The following CCDC178 variants were observed in gnomAD, a reference collection of about 807,000 sequenced individuals.
CCDC178 encodes the protein coiled-coil domain-containing protein 178.
CCDC178 carries 126 observed loss-of-function variants against 117.4 expected under a neutral mutation model. The observed-to-expected ratio is 1.07, with a 90% CI of 0.93 to 1.24. CCDC178 has a LOEUF of 1.24. CCDC178 is among the 50% of genes most tolerant of loss of function. CCDC178 has a pLI of 0.00. For missense variants in CCDC178, 1,030 were observed against 986.9 expected (o/e 1.04, Z -0.59); for synonymous variants, 283 against 313.4 (o/e 0.90, Z 1.02).
chr18:33,415,438 A>C (rs1378024475), intron 2 of CCDC178, among the ~76,000 whole-genome samples: 1 of 152,108 alleles, frequency 6.6e-6, no homozygotes, highest in Non-Finnish European at 1.5e-5. Flanking sequence ...AGTCTCAGCA[A>C]ACTATCGCAA....
intron 20 of CCDC178, among the ~76,000 whole-genome samples, chr18:33,201,662 G>A (rs190581972): frequency 6.6e-6 from 1 of 151,796 alleles, no homozygotes; most frequent in East Asian, 1.9e-4. Flanking sequence ...AAAGCCGTGG[G>A]TTGTATTAAG....
At chr18:33,118,112 G>C (rs902935419) in intron 20 of CCDC178, among the ~76,000 whole-genome samples, 13 of 152,032 alleles carry the variant, frequency 8.6e-5, no homozygotes, top group Admixed American at 3.3e-4. Context: ...GAAATGTATT[G>C]ATAGGCCAAT....
At chr18:33,216,394 T>C (rs908826898) in intron 18 of CCDC178, among the ~76,000 whole-genome samples, 4 of 152,106 alleles carry the variant, frequency 2.6e-5, no homozygotes, top group Non-Finnish European at 5.9e-5. Context: ...AATTCCAGAA[T>C]GAACATTTGA....
intron 21 of CCDC178, among the ~76,000 whole-genome samples, chr18:32,999,586 G>A (rs1297300179): frequency 1.3e-5 from 2 of 152,134 alleles, no homozygotes; most frequent in African/African-American, 4.8e-5. Context: ...CAGTGGTGGT[G>A]GCCACAGGAG....
intron 20 of CCDC178, among the ~76,000 whole-genome samples, chr18:33,195,070 T>C (rs1008786706): frequency 6.8e-6 from 1 of 146,468 alleles, no homozygotes; most frequent in East Asian, 2.0e-4. Context: ...TGAGCTATGA[T>C]AGCACCACTG....
chr18:33,164,249 G>A (rs1012795610), intron 20 of CCDC178, among the ~76,000 whole-genome samples: 3 of 151,476 alleles, frequency 2.0e-5, no homozygotes, highest in South Asian at 2.1e-4. Context: ...ACAGGTGCAC[G>A]CCACCATGCC....
At chr18:33,002,036 G>C (rs977432046) in intron 21 of CCDC178, among the ~76,000 whole-genome samples, 1 of 152,108 alleles carries the variant, frequency 6.6e-6, no homozygotes, top group African/African-American at 2.4e-5. Flanking sequence ...AAAGCAAATA[G>C]TATGAGAGCT....
intron 2 of CCDC178, among the ~76,000 whole-genome samples, chr18:33,436,900 C>T (rs1194819669): frequency 1.3e-5 from 2 of 152,218 alleles, no homozygotes; most frequent in Non-Finnish European, 2.9e-5. Flanking sequence ...AGGCTAAGAG[C>T]ATCTGCGTGA....
rs751578028 is a variant in CCDC178, at chr18:33,075,931, T to C, written c.2388+16830A>G. 1.2e-4 allele frequency among the ~76,000 whole-genome samples: 18 copies of C among 152,136 alleles called. No individual in the cohort carries two copies. The South Asian group carries it at 2.1e-3, about 18-fold the overall frequency. ...TTGTAGTGAGCTGAGATTGCACCAC[T>C]ACACTCCACCGTGGGGTACAAAAGC... On this transcript the variant is annotated intron_variant, in intron 21 of 22. Transcript: ENST00000383096.
At chr18:33,192,661 G>C (rs1160956210) in intron 20 of CCDC178, among the ~76,000 whole-genome samples, 1 of 152,078 alleles carries the variant, frequency 6.6e-6, no homozygotes, top group East Asian at 1.9e-4. Flanking sequence ...AGCACTTTGC[G>C]AGGCCGAGGT....
At chr18:33,117,823 C>T (rs533020737) in intron 20 of CCDC178, among the ~76,000 whole-genome samples, 14 of 152,054 alleles carry the variant, frequency 9.2e-5, no homozygotes, top group African/African-American at 3.1e-4. Context: ...GTGACCCAAA[C>T]CCTCATTCTT....
chr18:33,044,006 G>A (rs2056598220), intron 21 of CCDC178, among the ~76,000 whole-genome samples: 1 of 150,748 alleles, frequency 6.6e-6, no homozygotes, highest in Non-Finnish European at 1.5e-5. Flanking sequence ...TTTCTAGATT[G>A]ATGTGTTGTT....
intron 21 of CCDC178, among the ~76,000 whole-genome samples, chr18:33,035,942 T>G (rs547523585): frequency 4.6e-5 from 7 of 152,114 alleles, no homozygotes; most frequent in Non-Finnish European, 1.0e-4. Flanking sequence ...GTTCAAAGAT[T>G]CACTGAAGTA....
chr18:32,989,970 A>G (rs1329255710), intron 21 of CCDC178, among the ~76,000 whole-genome samples: 2 of 151,316 alleles, frequency 1.3e-5, no homozygotes, highest in Non-Finnish European at 2.9e-5. Context: ...TTAGAAATCA[A>G]TTATAATTTT....
intron 14 of CCDC178, among the ~76,000 whole-genome samples, chr18:33,255,423 T>C (rs772368235): frequency 5.3e-5 from 8 of 152,048 alleles, no homozygotes; most frequent in Non-Finnish European, 8.8e-5. Flanking sequence ...ATGAAATGTT[T>C]TTAAGCTGCT....
intron 21 of CCDC178, among the ~76,000 whole-genome samples, chr18:33,077,193 C>T (rs564329483): frequency 3.4e-4 from 52 of 152,208 alleles, no homozygotes; most frequent in Middle Eastern, 6.8e-3. Flanking sequence ...ATGAGTTGGG[C>T]ATAGTAAAGA....
At chr18:33,288,225 T>G (rs2060123135) in intron 12 of CCDC178, among the ~76,000 whole-genome samples, 1 of 140,254 alleles carries the variant, frequency 7.1e-6, no homozygotes, top group Non-Finnish European at 1.5e-5. Context: ...CCTCCTCTCC[T>G]CCTCCTCCCC....
At chr18:32,971,400 C>T (rs1018226123) in intron 22 of CCDC178, among the ~76,000 whole-genome samples, 2 of 152,142 alleles carry the variant, frequency 1.3e-5, no homozygotes, top group African/African-American at 4.8e-5. Flanking sequence ...ATATGTGCCA[C>T]ATTTTCTTTA....
At chr18:33,343,944 T>C (rs1234006151) in intron 9 of CCDC178, among the ~76,000 whole-genome samples, 13 of 152,100 alleles carry the variant, frequency 8.5e-5, no homozygotes, top group Admixed American at 8.5e-4. Flanking sequence ...ATAAATAATA[T>C]AAAGGCAGAA....
Sources: gnomAD v4.1 joint callset for allele counts (sites outside exome capture counted in the v4.1 genomes callset) on GRCh38, gnomAD v4.1.1 for gene constraint, MANE v1.5 for transcripts, NCBI Gene and HGNC (gene_info 2026-07-23, HGNC 2026-07-21) for gene names.